SNORC: variants seen among roughly 807,000 people sequenced by gnomAD.
SNORC encodes the protein secondary ossification center associated regulator of chondrocyte maturation, also known as protein SNORC.
SNORC carries 11 observed loss-of-function variants against 9.7 expected under a neutral mutation model. The observed-to-expected ratio is 1.14, with a 90% CI of 0.72 to 1.88. The LOEUF (loss-of-function observed/expected upper bound fraction) is 1.88, where lower values mean the gene tolerates loss of function less well. Among genes scored for constraint, SNORC ranks in the 40% most tolerant of loss-of-function variants. The pLI is 0.00. For synonymous variants in SNORC, 108 were observed against 88.7 expected (o/e 1.22, Z -1.22); for missense variants, 197 against 173.1 (o/e 1.14, Z -0.77).
intron 1 of SNORC, among the ~76,000 whole-genome samples, chr2:232,875,167 C>T (rs575539727): frequency 2.6e-5 from 4 of 152,282 alleles, no homozygotes; most frequent in South Asian, 2.1e-4. Context: ...TGGCAAACCC[C>T]GTCTCAACTA....
upstream of SNORC, among the ~76,000 whole-genome samples, chr2:232,868,037 A>G (rs569432502): frequency 1.2e-4 from 18 of 152,244 alleles, no homozygotes; most frequent in South Asian, 3.3e-3. Flanking sequence ...GCTCCATTAT[A>G]GTAAATACAG....
intron 1 of SNORC, among the ~76,000 whole-genome samples, chr2:232,871,314 G>A (rs13387762): frequency 0.22 from 33,407 of 152,066 alleles, 3,848 homozygotes; most frequent in African/African-American, 0.24. Context: ...GGGTGACAGC[G>A]AGGAGCACCG....
rs764648915 is a variant in SNORC, at chr2:232,876,147, G to A, written c.256+25G>A. On this transcript the variant is annotated intron_variant, in intron 2 of 2. Coordinates refer to ENST00000331342, the Ensembl canonical transcript of SNORC. The surrounding 1 kb of genome is among the most constrained non-coding windows in gnomAD (Gnocchi z 6.8). ...GGTACGGGCGGGGCGGGGGAGGGAG[G>A]GGAGAGGGAGAAATTAGGAGGGGCG... The A allele has an allele frequency of 3.7e-5, 54 of 1,456,442 alleles. 2 individuals are homozygous for A. The South Asian group carries it at 6.0e-4, about 16-fold the overall frequency. 90.2% of individuals were successfully genotyped at this position (1,456,442 alleles called of 1,614,324 possible). A position where few individuals can be genotyped will look rare whatever the true frequency, so the allele number is the denominator to read the frequency against.
upstream of SNORC, among the ~76,000 whole-genome samples, chr2:232,868,216 C>T (rs1171147196): frequency 6.6e-6 from 1 of 151,204 alleles, no homozygotes; most frequent in Admixed American, 6.6e-5. Context: ...TGTGCCTCAG[C>T]CTTCCAAGTA....
At chr2:232,877,111 C>A, downstream of SNORC, 2 of 986,088 alleles carry the variant, frequency 2.0e-6, no homozygotes, top group Non-Finnish European at 2.4e-6. Flanking sequence ...CCAAGCCCCC[C>A]TCTGCCCAGG....
At chr2:232,870,693 A>G (rs1326038304) in intron 1 of SNORC, among the ~76,000 whole-genome samples, 2 of 148,210 alleles carry the variant, frequency 1.3e-5, no homozygotes, top group African/African-American at 2.7e-5. Context: ...TGAGGGGGAC[A>G]TGGGTATTGC....
chr2:232,876,320 C>T lies in SNORC; in HGVS notation c.330C>T (p.Leu110=). The change falls in exon 3 of 3, where the codon CTC becomes CTT. Residue 110 remains leucine, a synonymous_variant. Transcript: ENST00000331342. This position sits in a 1 kb window ranked among gnomAD's most constrained non-coding sequence, Gnocchi z 6.8. ...TGGCCACCTGCGTGGTGCTGGCGCT[C>T]GTGGTCGTCGCGCTGAGAAAGTTTT... 1 of 1,541,038 alleles carries T rather than the reference C, an allele frequency of 6.5e-7. No individual in the cohort carries two copies. Among genetic ancestry groups the T allele is most frequent in the African/African-American group, 1.4e-5 (1 of 70,610 alleles).
chr2:232,875,507 C>G, intron 1 of SNORC: 1 of 438,120 alleles, frequency 2.3e-6, no homozygotes, highest in Non-Finnish European at 4.7e-6. Context: ...GATGGATGGC[C>G]CAGGGTTGGA....
At chr2:232,877,346 G>A (rs749496861), downstream of SNORC, 3 of 985,334 alleles carry the variant, frequency 3.0e-6, no homozygotes, top group Non-Finnish European at 3.6e-6. Context: ...CACCTCGGAA[G>A]CATTTAGAGA....
At position 232,876,153 on chromosome 2, in the gene SNORC, G is replaced by T. The variant is rs1439446550; in HGVS notation, c.256+31G>T. 1 of 1,346,938 alleles carries T rather than the reference G, an allele frequency of 7.4e-7. No individual in the cohort carries two copies. Among genetic ancestry groups the T allele is most frequent in the Non-Finnish European group, 9.9e-7 (1 of 1,007,086 alleles). 83.4% of individuals were successfully genotyped at this position (1,346,938 alleles called of 1,614,324 possible). Reference sequence around the variant, plus strand: ...GGCGGGGCGGGGGAGGGAGGGGAGAGGGAGAAATTAGGAGGGGCGGGGGGC... The same window carrying T: ...GGCGGGGCGGGGGAGGGAGGGGAGATGGAGAAATTAGGAGGGGCGGGGGGC... On this transcript the variant is annotated intron_variant, in intron 2 of 2. Coordinates refer to ENST00000331342, the Ensembl canonical transcript of SNORC. This position sits in a 1 kb window ranked among gnomAD's most constrained non-coding sequence, Gnocchi z 6.8.
chr2:232,874,686 G>C (rs1691151576), intron 1 of SNORC, among the ~76,000 whole-genome samples: 1 of 152,244 alleles, frequency 6.6e-6, no homozygotes. Flanking sequence ...AGGAGGGCAA[G>C]TGTCTGGCTT....
At chr2:232,871,620 C>T (rs1691028110) in intron 1 of SNORC, among the ~76,000 whole-genome samples, 3 of 152,204 alleles carry the variant, frequency 2.0e-5, no homozygotes, top group African/African-American at 7.2e-5. Context: ...GCTGGGAGGG[C>T]GCCAGCCTCC....
chr2:232,875,895 CG>C, intron 1 of SNORC, 44 bp from the exon 2 acceptor site: 1 of 1,509,610 alleles, frequency 6.6e-7, no homozygotes, highest in Non-Finnish European at 8.9e-7. Context: ...ACGTCCCTGT[CG>C]GCCCCGTCAC....
chr2:232,876,739 G>T (rs1449401978), downstream of SNORC: 2 of 985,956 alleles, frequency 2.0e-6, no homozygotes, highest in Non-Finnish European at 2.4e-6. The surrounding 1 kb of genome is among the most constrained non-coding windows in gnomAD (Gnocchi z 6.8). Flanking sequence ...CAGGGCATCG[G>T]AGCGGGTGTG....
Position 232,876,078 on chromosome 2 carries a change from G to T in SNORC, c.212G>T (p.Gly71Val). ...CCCCCAGCCCCCACCGTCGCGCCAGGACCCGAGGACAGCACCGCGCAGGAG... is the reference window on the plus strand; with the variant it reads ...CCCCCAGCCCCCACCGTCGCGCCAGTACCCGAGGACAGCACCGCGCAGGAG... Residue 71 changes from glycine (G) to valine (V), a missense_variant, in exon 2 of 3, where the codon GGA (glycine) becomes GTA (valine). Gly to Val is a moderately radical substitution (Grantham distance 109). Transcript: ENST00000331342. This position sits in a 1 kb window ranked among gnomAD's most constrained non-coding sequence, Gnocchi z 6.8. 2.0e-6 allele frequency: 3 copies of T among 1,513,034 alleles called. No individual in the cohort carries two copies. Among genetic ancestry groups the T allele is most frequent in the Non-Finnish European group, 2.6e-6 (3 of 1,132,660 alleles). The allele number at this position is 1,513,034 out of a possible 1,614,324, so 93.7% of individuals were successfully genotyped here.
At chr2:232,873,149 A>G (rs1691095130) in intron 1 of SNORC, among the ~76,000 whole-genome samples, 1 of 152,214 alleles carries the variant, frequency 6.6e-6, no homozygotes, top group South Asian at 2.1e-4. Context: ...TGGTGTTCAC[A>G]CAGTTACCTC....
chr2:232,874,072 T>TTGAGCATCAAA, intron 1 of SNORC, among the ~76,000 whole-genome samples: 1 of 152,202 alleles, frequency 6.6e-6, no homozygotes, highest in Admixed American at 6.5e-5. Flanking sequence ...GCAACTGACC[T>TTGAGCATCAAA]CTCCAGGCTT....
chr2:232,873,121 C>T (rs533435870), intron 1 of SNORC, among the ~76,000 whole-genome samples: 3 of 152,316 alleles, frequency 2.0e-5, no homozygotes, highest in Non-Finnish European at 2.9e-5. Context: ...CCAGGCCAGA[C>T]GCAGCAGCTG....
In SNORC at chr2:232,876,136, G is replaced by C. The variant is rs1185932080; in HGVS notation, c.256+14G>C. The C allele has an allele frequency of 3.5e-5, 52 of 1,486,114 alleles. No individual in the cohort carries two copies. Among genetic ancestry groups the C allele is most frequent in the Non-Finnish European group, 4.4e-5 (50 of 1,125,710 alleles). 92.1% of individuals were successfully genotyped at this position (1,486,114 alleles called of 1,614,324 possible). ...ACCAGGGCGGCGGTACGGGCGGGGCGGGGGAGGGAGGGGAGAGGGAGAAAT... is the reference window on the plus strand; with the variant it reads ...ACCAGGGCGGCGGTACGGGCGGGGCCGGGGAGGGAGGGGAGAGGGAGAAAT... On this transcript the variant is annotated intron_variant, in intron 2 of 2. Transcript: ENST00000331342. This position sits in a 1 kb window ranked among gnomAD's most constrained non-coding sequence, Gnocchi z 6.8.
Sources: gnomAD v4.1 joint callset for allele counts (sites outside exome capture counted in the v4.1 genomes callset) on GRCh38, gnomAD v4.1.1 for gene constraint, Gnocchi (gnomAD v3.1) non-coding constraint, MANE v1.5 for transcripts, NCBI Gene and HGNC (gene_info 2026-07-23, HGNC 2026-07-21) for gene names.